Variants in LRP1B observed in about 807,000 individuals in gnomAD.
LRP1B encodes low-density lipoprotein receptor-related protein 1B.
A neutral mutation model predicts 556.6 loss-of-function variants in LRP1B; 217 were observed. That is an observed-to-expected ratio of 0.39 (90% confidence interval 0.35 to 0.44). The LOEUF (loss-of-function observed/expected upper bound fraction) is 0.44. LRP1B is among the 20% of genes least tolerant of loss of function. The probability of loss-of-function intolerance (pLI) is 1.00; values close to 1 mark genes in which losing one functional copy is unlikely to be tolerated. For synonymous variants in LRP1B, 2,047 were observed against 1,865.8 expected (o/e 1.10, Z -2.50); for missense variants, 5,053 against 5,620.8 (o/e 0.90, Z 3.23).
chr2:140,394,324 A>G (rs1276350350), intron 66 of LRP1B, among the ~76,000 whole-genome samples: 1 of 152,102 alleles, frequency 6.6e-6, no homozygotes, highest in Non-Finnish European at 1.5e-5. Flanking sequence ...CTACTGCCCT[A>G]GAGCACAGTT....
Position 141,705,067 on chromosome 2 carries a change from C to G in LRP1B, c.205+105212G>C, listed in dbSNP as rs1195522020. 2.0e-5 allele frequency among the ~76,000 whole-genome samples: 3 copies of G among 151,924 alleles called. No individual in the cohort carries two copies. The East Asian group carries it at 5.8e-4, about 29-fold the overall frequency. ...TACTAATCTAAACTCCTTACAAACACCACCTCACTTAATTCTTATAAAAAC... is the reference window on the plus strand; with the variant it reads ...TACTAATCTAAACTCCTTACAAACAGCACCTCACTTAATTCTTATAAAAAC... On this transcript the variant is annotated intron_variant, in intron 2 of 90. Transcript: ENST00000389484.
intron 1 of LRP1B, among the ~76,000 whole-genome samples, chr2:142,037,703 TTCTCTTTAGG>T: frequency 6.6e-6 from 1 of 151,788 alleles, no homozygotes; most frequent in Middle Eastern, 3.4e-3. Flanking sequence ...AAGTTGCTTA[TTCTCTTTAGG>T]TCTCATCCTT....
At chr2:141,112,410 T>C (rs1475887628) in intron 7 of LRP1B, among the ~76,000 whole-genome samples, 1 of 152,174 alleles carries the variant, frequency 6.6e-6, no homozygotes, top group African/African-American at 2.4e-5. Flanking sequence ...ATTTTGCTAT[T>C]TAAAATGGCC....
chr2:141,231,735 G>A (rs1035782273), intron 5 of LRP1B, among the ~76,000 whole-genome samples: 16 of 151,624 alleles, frequency 1.1e-4, no homozygotes, highest in African/African-American at 3.6e-4. Context: ...GTTGTCAAAT[G>A]TATCTGCCAT....
chr2:141,491,785 T>G (rs1683343742), intron 2 of LRP1B, among the ~76,000 whole-genome samples: 1 of 152,138 alleles, frequency 6.6e-6, no homozygotes, highest in African/African-American at 2.4e-5. Flanking sequence ...TGAGCCAAAC[T>G]GTGCACACAG....
intron 84 of LRP1B, among the ~76,000 whole-genome samples, chr2:140,294,196 C>G (rs941577962): frequency 2.6e-5 from 4 of 152,038 alleles, no homozygotes; most frequent in Non-Finnish European, 5.9e-5. Context: ...ATGACATGTT[C>G]TATGTTGGTC....
At chr2:140,240,560 G>A (rs185186007) in intron 87 of LRP1B, among the ~76,000 whole-genome samples, 1 of 150,866 alleles carries the variant, frequency 6.6e-6, no homozygotes, top group African/African-American at 2.4e-5. Context: ...CTGAATACAG[G>A]GTTGCCTGAT....
intron 1 of LRP1B, among the ~76,000 whole-genome samples, chr2:141,859,508 C>T (rs1390826615): frequency 6.6e-6 from 1 of 152,088 alleles, no homozygotes; most frequent in East Asian, 1.9e-4. Context: ...ATTTTTTCAT[C>T]AAATAGTTTG....
At chr2:141,732,675 A>C (rs1693318285) in intron 2 of LRP1B, among the ~76,000 whole-genome samples, 1 of 152,150 alleles carries the variant, frequency 6.6e-6, no homozygotes, top group Non-Finnish European at 1.5e-5. Flanking sequence ...GCTTGGTAGA[A>C]TTTGAAGAGG....
chr2:140,394,307 G>A (rs747661789), intron 66 of LRP1B, among the ~76,000 whole-genome samples: 5 of 152,022 alleles, frequency 3.3e-5, no homozygotes, highest in Non-Finnish European at 5.9e-5. Context: ...CTAGGGTGGC[G>A]TACTGTCTAC....
intron 2 of LRP1B, among the ~76,000 whole-genome samples, chr2:141,551,938 A>G (rs1350825259): frequency 1.3e-5 from 2 of 152,106 alleles, no homozygotes; most frequent in African/African-American, 4.8e-5. Context: ...CTTAAAATTA[A>G]GATGCCTCTA....
intron 2 of LRP1B, among the ~76,000 whole-genome samples, chr2:141,641,114 T>C (rs2105364340): frequency 6.6e-6 from 1 of 152,276 alleles, no homozygotes; most frequent in African/African-American, 2.4e-5. Flanking sequence ...CAATTATCTT[T>C]CCCCCTCTGT....
At chr2:140,246,513 G>A (rs1013105319) in intron 87 of LRP1B, among the ~76,000 whole-genome samples, 1 of 110,236 alleles carries the variant, frequency 9.1e-6, no homozygotes, top group African/African-American at 2.9e-5. Flanking sequence ...GTGACCCTAA[G>A]ACTATGGCTG....
intron 66 of LRP1B, among the ~76,000 whole-genome samples, chr2:140,434,899 G>A (rs927886694): frequency 2.0e-5 from 3 of 152,068 alleles, no homozygotes; most frequent in Non-Finnish European, 4.4e-5. Flanking sequence ...TAACATATAA[G>A]CATAAGTGTA....
At chr2:141,659,955 G>A (rs756634906) in intron 2 of LRP1B, among the ~76,000 whole-genome samples, 3 of 152,134 alleles carry the variant, frequency 2.0e-5, no homozygotes, top group Non-Finnish European at 4.4e-5. Flanking sequence ...TAAAGGCATA[G>A]AAGATAAATT....
At chr2:140,745,801 T>G (rs908455025) in intron 35 of LRP1B, among the ~76,000 whole-genome samples, 1 of 152,206 alleles carries the variant, frequency 6.6e-6, no homozygotes, top group South Asian at 2.1e-4. Context: ...TATATTTAGC[T>G]TATAGATTAT....
intron 43 of LRP1B, among the ~76,000 whole-genome samples, chr2:140,582,915 G>A (rs975072803): frequency 1.3e-5 from 2 of 152,162 alleles, no homozygotes; most frequent in Non-Finnish European, 2.9e-5. Context: ...ATTAGGTTCA[G>A]CTTTTACATG....
chr2:141,538,300 AT>A (rs1269329021), intron 2 of LRP1B, among the ~76,000 whole-genome samples: 1 of 152,120 alleles, frequency 6.6e-6, no homozygotes, highest in Non-Finnish European at 1.5e-5. Context: ...ATGTCAATCT[AT>A]CTTTATTATT....
chr2:141,480,706 A>G (rs1049087463), intron 2 of LRP1B, among the ~76,000 whole-genome samples, 173 bp from the exon 3 acceptor site: 7 of 152,192 alleles, frequency 4.6e-5, no homozygotes, highest in African/African-American at 9.7e-5. Context: ...TTAAACACCT[A>G]ATTTTTAAAG....
Sources: allele counts gnomAD v4.1 joint callset (sites outside exome capture counted in the v4.1 genomes callset), GRCh38; gene constraint gnomAD v4.1.1; transcripts MANE v1.5; gene names NCBI Gene and HGNC (gene_info 2026-07-23, HGNC 2026-07-21).